Variants in CELA1 observed in about 807,000 individuals in gnomAD.
The protein encoded by CELA1 is chymotrypsin-like elastase family member 1.
In CELA1, 28 loss-of-function variants were observed where a neutral mutation model predicts 34.8. The ratio of observed to expected loss-of-function variants is 0.80; its 90% CI spans 0.60 to 1.10. CELA1 has a LOEUF of 1.10. Ranked by LOEUF, CELA1 falls within the 50% of genes least tolerant of loss-of-function variation. The pLI is 0.00. For synonymous variants in CELA1, 140 were observed against 129.8 expected (o/e 1.08, Z -0.53); for missense variants, 288 against 327.5 (o/e 0.88, Z 0.93).
At chr12:51,343,415 C>T (rs1946549354) in intron 3 of CELA1, among the ~76,000 whole-genome samples, 1 of 152,172 alleles carries the variant, frequency 6.6e-6, no homozygotes, top group Non-Finnish European at 1.5e-5. Flanking sequence ...AAAATAGTCA[C>T]CAGTCAGACA....
intron 1 of CELA1, among the ~76,000 whole-genome samples, chr12:51,346,351 A>T (rs974746762): frequency 2.0e-5 from 3 of 152,030 alleles, no homozygotes; most frequent in African/African-American, 7.2e-5. Context: ...CCCCACTACC[A>T]GATGGGGCTT....
intron 6 of CELA1, among the ~76,000 whole-genome samples, chr12:51,330,975 A>G (rs1946466062): frequency 6.6e-6 from 1 of 151,404 alleles, no homozygotes; most frequent in Non-Finnish European, 1.5e-5. Context: ...GTCTCAAAAA[A>G]AAAAAAAAAA....
At chr12:51,345,276 T>C (rs796309573) in intron 2 of CELA1, among the ~76,000 whole-genome samples, 90 of 152,370 alleles carry the variant, frequency 5.9e-4, no homozygotes, top group African/African-American at 1.9e-3. Flanking sequence ...CTTCTCAAAG[T>C]GTGGATCTTC....
At chr12:51,344,024 G>A (rs1338001500) in intron 2 of CELA1, among the ~76,000 whole-genome samples, 171 bp from the exon 3 acceptor site, 1 of 152,116 alleles carries the variant, frequency 6.6e-6, no homozygotes, top group Non-Finnish European at 1.5e-5. Flanking sequence ...GTGAGACCTC[G>A]CCTCTACAAC....
intron 6 of CELA1, among the ~76,000 whole-genome samples, chr12:51,337,533 T>G (rs184771145): frequency 1.4e-5 from 1 of 69,072 alleles, no homozygotes; most frequent in East Asian, 4.2e-4. Flanking sequence ...CAAGACCTTA[T>G]CTCTTCAAAA....
At position 51,345,673 on chromosome 12, in the gene CELA1, G is replaced by A. The variant is rs373979522; in HGVS notation, c.99+122C>T. On this transcript the variant is annotated intron_variant, in intron 2 of 7. Transcript: ENST00000293636. ...CCTGATCCCATCCATCTTTAAAATCGAGAACCTAGACAATTGGAGAGCTGC... is the reference window on the plus strand; with the variant it reads ...CCTGATCCCATCCATCTTTAAAATCAAGAACCTAGACAATTGGAGAGCTGC... 76 of 792,402 alleles carry A rather than the reference G, an allele frequency of 9.6e-5. No homozygotes were observed. In the African/African-American group the frequency reaches 1.2e-3, roughly 12 times the overall value. 49.1% of individuals were successfully genotyped at this position (792,402 alleles called of 1,614,324 possible).
intron 6 of CELA1, among the ~76,000 whole-genome samples, chr12:51,331,670 T>G (rs551867263): frequency 2.0e-5 from 3 of 152,200 alleles, no homozygotes; most frequent in Non-Finnish European, 4.4e-5. Flanking sequence ...CAACATTTTC[T>G]GGATCAAAGG....
At chr12:51,333,197 C>T (rs996987614) in intron 6 of CELA1, among the ~76,000 whole-genome samples, 14 of 151,484 alleles carry the variant, frequency 9.2e-5, no homozygotes, top group Admixed American at 6.6e-5. Context: ...TAGGTTCAAG[C>T]AGTTCTCCTG....
intron 4 of CELA1, among the ~76,000 whole-genome samples, chr12:51,341,985 C>T (rs992290286): frequency 1.3e-5 from 2 of 152,132 alleles, no homozygotes; most frequent in Non-Finnish European, 2.9e-5. Context: ...TGCAAACCAG[C>T]CTGGATCCAA....
At position 51,339,896 on chromosome 12, in the gene CELA1, C is replaced by G; in HGVS notation, c.573G>C (p.Val191=). 6 of 1,614,156 alleles carry G rather than the reference C, an allele frequency of 3.7e-6. No homozygotes were observed. The highest frequency in any genetic ancestry group is 5.1e-6 in the Non-Finnish European group (6 of 1,180,028). The change falls in exon 6 of 8, where the codon GTG becomes GTC. Residue 191 remains valine (V), a synonymous_variant. Transcript: ENST00000293636. ...AGCGAACTCCATCTCCACCAGCACACACCATGGTGTTCTTCACAGTGGAGC... is the reference window on the plus strand; with the variant it reads ...AGCGAACTCCATCTCCACCAGCACAGACCATGGTGTTCTTCACAGTGGAGC... ...YWGSTVKNTM[V]CAGGDGVRSG... is the part of the protein sequence containing the mutation.
In CELA1 at chr12:51,342,605, G is replaced by T; in HGVS notation, c.296C>A (p.Pro99Gln). The change falls in exon 4 of 8, where the codon CCA becomes CAA. Residue 99 changes from proline to glutamine, a missense_variant. Coordinates refer to ENST00000293636, the MANE Select transcript of CELA1 (RefSeq NM_001971.6). Reference sequence around the variant, plus strand: ...AGCCACGTTATCGCTGTTCCAGTATGGATGCACCACGATCTTCTGCACACT... The same window carrying T: ...AGCCACGTTATCGCTGTTCCAGTATTGATGCACCACGATCTTCTGCACACT... ...YVSVQKIVVH[P>Q]YWNSDNVAAG... The T allele has an allele frequency of 6.2e-7, 1 of 1,614,148 alleles. No homozygotes were observed. The highest frequency in any genetic ancestry group is 1.6e-4 in the Middle Eastern group (1 of 6,062).
chr12:51,345,096 G>A (rs1034417335), intron 2 of CELA1, among the ~76,000 whole-genome samples: 2 of 150,968 alleles, frequency 1.3e-5, no homozygotes, highest in Admixed American at 6.6e-5. Context: ...TTGCACTCTA[G>A]CCTGGGCAAT....
chr12:51,333,889 A>G (rs565254628), intron 6 of CELA1, among the ~76,000 whole-genome samples: 1 of 152,340 alleles, frequency 6.6e-6, no homozygotes, highest in Non-Finnish European at 1.5e-5. Flanking sequence ...TCTTGTGCTA[A>G]TTGACCCGAA....
chr12:51,343,481 G>C (rs1390870572), intron 3 of CELA1, among the ~76,000 whole-genome samples: 1 of 152,230 alleles, frequency 6.6e-6, no homozygotes, highest in Non-Finnish European at 1.5e-5. Flanking sequence ...CAAAGTAAAT[G>C]TTCTTAGCCC....
chr12:51,343,683 T>C (rs542166797), intron 3 of CELA1, 70 bp downstream of exon 3: 2 of 933,002 alleles, frequency 2.1e-6, no homozygotes, highest in South Asian at 2.7e-5. Context: ...GGCAAAATTA[T>C]ATCCTCTTTC....
At chr12:51,343,614 C>A in intron 3 of CELA1, 139 bp downstream of exon 3, 1 of 597,552 alleles carries the variant, frequency 1.7e-6, no homozygotes, top group East Asian at 2.8e-5. Flanking sequence ...TACTACCTCC[C>A]TGCAGGCCCT....
chr12:51,333,399 T>C (rs1284046035), intron 6 of CELA1, among the ~76,000 whole-genome samples: 1 of 75,788 alleles, frequency 1.3e-5, no homozygotes, highest in Non-Finnish European at 3.5e-5. Flanking sequence ...CGACTGTTTT[T>C]TTTTTGTTTT....
In CELA1 at chr12:51,346,530, C is replaced by T. The variant is rs1046289314; in HGVS notation, c.16+93G>A. The T allele has an allele frequency of 7.1e-6, 9 of 1,270,680 alleles. No individual in the cohort carries two copies. In the African/African-American group the frequency reaches 1.3e-4, roughly 19 times the overall value. 78.7% of individuals were successfully genotyped at this position (1,270,680 alleles called of 1,614,324 possible). On this transcript the variant is annotated intron_variant, in intron 1 of 7. Coordinates refer to ENST00000293636, the MANE Select transcript of CELA1 (RefSeq NM_001971.6). ...CTGGACTTAGGGAAAATTTGCTGAC[C>T]TTCCTGCCCAAGTCCCCCTCCCTAT...
At chr12:51,344,794 A>G (rs527669059) in intron 2 of CELA1, among the ~76,000 whole-genome samples, 86 of 152,112 alleles carry the variant, frequency 5.7e-4, no homozygotes, top group Non-Finnish European at 2.5e-4. Context: ...TGTTTTCAAG[A>G]CATCTCCTGT....
Sources: gnomAD v4.1 joint callset for allele counts (sites outside exome capture counted in the v4.1 genomes callset) on GRCh38, gnomAD v4.1.1 for gene constraint, MANE v1.5 for transcripts, NCBI Gene and HGNC (gene_info 2026-07-23, HGNC 2026-07-21) for gene names.